The following CCDC85C variants were observed in gnomAD, a reference collection of about 807,000 sequenced individuals.
The protein encoded by CCDC85C is coiled-coil domain-containing protein 85C.
Under a neutral mutation model 38.3 loss-of-function variants are expected in CCDC85C, and 18 were observed. That is an observed-to-expected ratio of 0.47 (90% CI 0.33 to 0.70). The LOEUF is 0.70. Ranked by LOEUF, CCDC85C falls within the 30% of genes least tolerant of loss-of-function variation. CCDC85C has a pLI of 0.03. For synonymous variants in CCDC85C, 264 were observed against 293.8 expected (o/e 0.90, Z 1.04); for missense variants, 566 against 621.2 (o/e 0.91, Z 0.94).
intron 1 of CCDC85C, among the ~76,000 whole-genome samples, chr14:99,574,704 A>T (rs570111213): frequency 6.6e-6 from 1 of 152,226 alleles, no homozygotes; most frequent in African/African-American, 2.4e-5. Flanking sequence ...GCACCATCTG[A>T]TTTACTTGGT....
At chr14:99,534,924 C>T (rs894471954) in intron 2 of CCDC85C, 53 of 541,768 alleles carry the variant, frequency 9.8e-5, no homozygotes, top group Admixed American at 2.5e-4. Context: ...GAGTGGGGGG[C>T]GGGGTGTGGA....
chr14:99,549,417 G>C (rs1273727811), intron 1 of CCDC85C, among the ~76,000 whole-genome samples: 1 of 152,238 alleles, frequency 6.6e-6, no homozygotes, highest in Non-Finnish European at 1.5e-5. Context: ...GAGCCCCAGG[G>C]AGATGAGGGG....
intron 1 of CCDC85C, among the ~76,000 whole-genome samples, chr14:99,565,914 G>C (rs1210646168): frequency 6.6e-6 from 1 of 152,202 alleles, no homozygotes; most frequent in East Asian, 1.9e-4. Context: ...ACCAATGCAG[G>C]GGACGGTGGC....
chr14:99,582,966 G>A (rs1429686623), intron 1 of CCDC85C: 4 of 152,142 alleles, frequency 2.6e-5, no homozygotes, highest in Admixed American at 6.5e-5. Flanking sequence ...GAGTTTATAC[G>A]AGAACTCTCT....
intron 1 of CCDC85C, among the ~76,000 whole-genome samples, chr14:99,559,959 T>C (rs940290948): frequency 6.6e-6 from 1 of 151,732 alleles, no homozygotes; most frequent in Non-Finnish European, 1.5e-5. Context: ...TTCTTCTACA[T>C]TTCCCCATCT....
At chr14:99,527,077 A>G (rs1262854694) in intron 2 of CCDC85C, among the ~76,000 whole-genome samples, 1 of 152,232 alleles carries the variant, frequency 6.6e-6, no homozygotes, top group Non-Finnish European at 1.5e-5. Context: ...AGGCCTCCAC[A>G]GAAGACAGGC....
intron 1 of CCDC85C, among the ~76,000 whole-genome samples, chr14:99,552,981 T>TG (rs1258999399): frequency 6.6e-6 from 1 of 152,174 alleles, no homozygotes; most frequent in African/African-American, 2.4e-5. Flanking sequence ...AGGGATGGCC[T>TG]GGGGGTGTGG....
In CCDC85C at chr14:99,500,598, C is replaced by T; in HGVS notation, c.*14648G>A. Reference sequence around the variant, plus strand: ...TGTTTGAGATCTTTTCAGAATTTATCAGTGTCTCTGAGCATGTTAAAAGTC... The same window carrying T: ...TGTTTGAGATCTTTTCAGAATTTATTAGTGTCTCTGAGCATGTTAAAAGTC... On this transcript the variant is annotated 3_prime_UTR_variant, in exon 6 of 6. Coordinates refer to ENST00000380243, the MANE Select transcript of CCDC85C (RefSeq NM_001144995.2). 1 of 579,226 alleles carries T rather than the reference C, an allele frequency of 1.7e-6. No individual in the cohort carries two copies. Among genetic ancestry groups the T allele is most frequent in the South Asian group, 2.2e-5 (1 of 46,162 alleles). The allele number at this position is 579,226 out of a possible 1,614,324, so 35.9% of individuals were successfully genotyped here.
chr14:99,515,380 C>T (rs534720155), intron 5 of CCDC85C, 45 bp from the exon 6 acceptor site: 67 of 1,417,732 alleles, frequency 4.7e-5, no homozygotes, highest in Non-Finnish European at 5.8e-5. Flanking sequence ...CACCCGCGTC[C>T]ACCTGCCGCC....
intron 1 of CCDC85C, among the ~76,000 whole-genome samples, chr14:99,599,384 G>C (rs2139995912): frequency 6.6e-6 from 1 of 152,322 alleles, no homozygotes; most frequent in Admixed American, 6.5e-5. Flanking sequence ...ATGGGCAGGA[G>C]GGGGGCATGG....
At chr14:99,554,668 C>T (rs535010986) in intron 1 of CCDC85C, among the ~76,000 whole-genome samples, 70 of 152,354 alleles carry the variant, frequency 4.6e-4, no homozygotes, top group African/African-American at 1.6e-3. Flanking sequence ...CTCCTCTTCT[C>T]GGGTTGCTCC....
At chr14:99,534,590 C>T (rs923164040) in intron 2 of CCDC85C, 1 of 701,800 alleles carries the variant, frequency 1.4e-6, no homozygotes, top group Non-Finnish European at 2.6e-6. Flanking sequence ...CTCTCCTACA[C>T]ACTGCATGGG....
Position 99,509,458 on chromosome 14 carries a change from C to A in CCDC85C, c.*5788G>T, listed in dbSNP as rs539518693. On this transcript the variant is annotated 3_prime_UTR_variant, in exon 6 of 6. Coordinates refer to ENST00000380243, the MANE Select transcript of CCDC85C (RefSeq NM_001144995.2). ...TGGTTCTGAGCACGAGTATCTTGGG[C>A]GTGCTCAACACCTAGTGCTGCCTGT... The A allele has an allele frequency of 6.6e-6, 1 of 152,380 alleles. No homozygotes were observed. Among genetic ancestry groups the A allele is most frequent in the South Asian group, 2.1e-4 (1 of 4,822 alleles). 9.4% of individuals were successfully genotyped at this position (152,380 alleles called of 1,614,324 possible). A position where few individuals can be genotyped will look rare whatever the true frequency, so the allele number is the denominator to read the frequency against.
Position 99,535,210 on chromosome 14 carries a change from C to A in CCDC85C, c.867+805G>T, listed in dbSNP as rs146648913. On this transcript the variant is annotated intron_variant, in intron 2 of 5. Transcript: ENST00000380243. The surrounding 1 kb of genome is among the most constrained non-coding windows in gnomAD (Gnocchi z 5.5). ...TCCCTGCGGTTGGTTCCCAGAGAGA[C>A]GCCTTGGGTATCCCAGGCTGACCGC... Among the ~76,000 whole-genome samples, 6 of 152,312 alleles carry A rather than the reference C, an allele frequency of 3.9e-5. No homozygotes were observed. The East Asian group carries it at 1.2e-3, about 29-fold the overall frequency.
Position 99,535,314 on chromosome 14 carries a change from G to GGAGCGAGCGGCTTGAGAGGTCGCC in CCDC85C, c.867+677_867+700dup, listed in dbSNP as rs1897573379. On this transcript the variant is annotated intron_variant, in intron 2 of 5. Transcript: ENST00000380243. The surrounding 1 kb of genome is among the most constrained non-coding windows in gnomAD (Gnocchi z 5.5). ...GCGCACGAGGGCTCGGAGGCTTGGG[G>GGAGCGAGCGGCTTGAGAGGTCGCC]GAGCGAGCGGCTTGAGAGGTCGCCA... Among the ~76,000 whole-genome samples, 1 of 152,182 alleles carries GGAGCGAGCGGCTTGAGAGGTCGCC rather than the reference G, an allele frequency of 6.6e-6. No homozygotes were observed. The highest frequency in any genetic ancestry group is 2.4e-5 in the African/African-American group (1 of 41,432).
chr14:99,503,533 G>T lies in CCDC85C; in HGVS notation c.*11713C>A, dbSNP rs377111669. 1 of 1,270,268 alleles carries T rather than the reference G, an allele frequency of 7.9e-7. No individual in the cohort carries two copies. The highest frequency in any genetic ancestry group is 1.5e-5 in the African/African-American group (1 of 66,156). 78.7% of individuals were successfully genotyped at this position (1,270,268 alleles called of 1,614,324 possible). On this transcript the variant is annotated 3_prime_UTR_variant, in exon 6 of 6. Coordinates refer to ENST00000380243, the MANE Select transcript of CCDC85C (RefSeq NM_001144995.2). ...ACAGTGACTGCCGTCGCTGATTCTG[G>T]TGGTACCTGGATAATCCATTTTTTT...
Position 99,553,847 on chromosome 14 carries a change from C to T in CCDC85C, c.794-17759G>A, listed in dbSNP as rs201726431. On this transcript the variant is annotated intron_variant, in intron 1 of 5. Transcript: ENST00000380243. ...CGAGGCTGAGGGCAGGGTCCACCCA[C>T]GGGAACAGCTCCCCTGAGCTGTGCT... 6.6e-5 allele frequency among the ~76,000 whole-genome samples: 10 copies of T among 152,210 alleles called. No homozygotes were observed. In the East Asian group the frequency reaches 1.2e-3, roughly 18 times the overall value.
rs1897168422 is a variant in CCDC85C, at chr14:99,513,320, G to A, written c.*1926C>T. The A allele has an allele frequency of 2.6e-5, 4 of 152,234 alleles. No individual in the cohort carries two copies. The highest frequency in any genetic ancestry group is 7.2e-5 in the African/African-American group (3 of 41,460). The allele number at this position is 152,234 out of a possible 1,614,324, so 9.4% of individuals were successfully genotyped here. On this transcript the variant is annotated 3_prime_UTR_variant, in exon 6 of 6. Transcript: ENST00000380243. The stretch of plus-strand genomic sequence containing the variant: ...GGTTCTTTGGACTGCAAGACCCAGA[G>A]GGGCCTCTGCTCAGCTGCCCACTCG...
In CCDC85C at chr14:99,501,002, C is replaced by T. The variant is rs1284707598; in HGVS notation, c.*14244G>A. 2 of 661,692 alleles carry T rather than the reference C, an allele frequency of 3.0e-6. No homozygotes were observed. The highest frequency in any genetic ancestry group is 2.8e-5 in the East Asian group (1 of 35,946). 41.0% of individuals were successfully genotyped at this position (661,692 alleles called of 1,614,324 possible). A position where few individuals can be genotyped will look rare whatever the true frequency, so the allele number is the denominator to read the frequency against. On this transcript the variant is annotated 3_prime_UTR_variant, in exon 6 of 6. Coordinates refer to ENST00000380243, the MANE Select transcript of CCDC85C (RefSeq NM_001144995.2). ...TGTGAAATACCAAGGGCATGGCTTG[C>T]TCAGTCAATTCAGCATTGCAGCTGC...
Sources: gnomAD v4.1 joint callset for allele counts (sites outside exome capture counted in the v4.1 genomes callset) on GRCh38, gnomAD v4.1.1 for gene constraint, Gnocchi (gnomAD v3.1) non-coding constraint, MANE v1.5 for transcripts, NCBI Gene and HGNC (gene_info 2026-07-23, HGNC 2026-07-21) for gene names.